The following SLC9A4 variants were observed in gnomAD, a reference collection of about 807,000 sequenced individuals.
SLC9A4 encodes the protein sodium/hydrogen exchanger 4.
Under a neutral mutation model 67.4 loss-of-function variants are expected in SLC9A4, and 63 were observed. That is an observed-to-expected ratio of 0.93 (90% CI 0.76 to 1.15). The LOEUF is 1.15. Ranked by LOEUF, SLC9A4 falls within the 50% of genes most tolerant of loss-of-function variation. The probability of loss-of-function intolerance (pLI) is 0.00; values close to 1 mark genes in which losing one functional copy is unlikely to be tolerated. For synonymous variants in SLC9A4, 393 were observed against 367.2 expected, an observed-to-expected ratio of 1.07 and a Z score of -0.80; for missense variants, 1,089 against 987.7, an observed-to-expected ratio of 1.10 and a Z score of -1.38.
At chr2:102,516,853 T>C (rs1314013819) in intron 8 of SLC9A4, among the ~76,000 whole-genome samples, 1 of 152,144 alleles carries the variant, frequency 6.6e-6, no homozygotes, top group Non-Finnish European at 1.5e-5. Context: ...CATTTTTTAA[T>C]TAAAGTGATA....
chr2:102,520,789 G>A (rs1200840986), intron 9 of SLC9A4, among the ~76,000 whole-genome samples: 2 of 152,176 alleles, frequency 1.3e-5, no homozygotes, highest in African/African-American at 2.4e-5. Flanking sequence ...TTGGTTATCT[G>A]ACTTGTTCAA....
intron 11 of SLC9A4, among the ~76,000 whole-genome samples, chr2:102,532,008 G>A (rs1349924284): frequency 6.6e-6 from 1 of 152,228 alleles, no homozygotes; most frequent in Non-Finnish European, 1.5e-5. Flanking sequence ...AAGCATCTTT[G>A]TGTCCCATGG....
intron 8 of SLC9A4, 101 bp from the exon 9 acceptor site, chr2:102,519,758 T>C (rs988687323): frequency 1.2e-4 from 114 of 983,096 alleles, no homozygotes; most frequent in Non-Finnish European, 1.3e-4. Flanking sequence ...TTCTGGAACT[T>C]AGGATTCCCC....
intron 8 of SLC9A4, among the ~76,000 whole-genome samples, chr2:102,515,259 A>G (rs752778389): frequency 6.6e-6 from 1 of 151,752 alleles, no homozygotes; most frequent in African/African-American, 2.4e-5. Context: ...ATTTGTCTCT[A>G]TTGCCTGAGT....
chr2:102,497,413 T>C (rs1227402714), intron 2 of SLC9A4, among the ~76,000 whole-genome samples: 2 of 151,544 alleles, frequency 1.3e-5, no homozygotes, highest in African/African-American at 2.4e-5. Context: ...AACTGGGGAG[T>C]TGGGAGTGGA....
intron 7 of SLC9A4, among the ~76,000 whole-genome samples, chr2:102,512,557 A>T (rs904506787): frequency 4.6e-5 from 7 of 152,172 alleles, no homozygotes; most frequent in Admixed American, 4.6e-4. Context: ...AACAAGGACA[A>T]GGTTCCCAAT....
intron 2 of SLC9A4, among the ~76,000 whole-genome samples, chr2:102,497,846 AT>A (rs1684843250): frequency 6.6e-6 from 1 of 152,206 alleles, no homozygotes. Flanking sequence ...AAGAAAAAAA[AT>A]GTCAGCACAT....
At chr2:102,512,982 AG>A (rs11330523) in intron 7 of SLC9A4, among the ~76,000 whole-genome samples, 123,462 of 152,016 alleles carry the variant, frequency 0.81, 50,892 homozygotes, top group African/African-American at 0.95. Context: ...GAGGGCGCAG[AG>A]GGGAGGACCC....
rs760766075 is a variant in SLC9A4 at position 102,503,554 on chromosome 2, G to A, written c.827G>A (p.Gly276Glu). 1 of 1,614,186 alleles carries A rather than the reference G, an allele frequency of 6.2e-7. No individual in the cohort carries two copies. The highest frequency in any genetic ancestry group is 8.5e-7 in the Non-Finnish European group (1 of 1,180,036). Residue 276 changes from glycine (G) to glutamate (E), a missense_variant, in exon 3 of 12, where the codon GGA becomes GAA. Coordinates refer to ENST00000295269, the MANE Select transcript of SLC9A4 (RefSeq NM_001011552.4). ...GCARFIVVGL[G>E]GVLFGIVFGF... ...GCCCGATTCATCGTTGTGGGGCTTG[G>A]AGGGGTATTGTTTGGCATCGTTTTT... is the stretch of plus-strand genomic sequence containing the variant.
At chr2:102,531,379 T>C (rs1215903361) in intron 11 of SLC9A4, among the ~76,000 whole-genome samples, 1 of 152,176 alleles carries the variant, frequency 6.6e-6, no homozygotes, top group East Asian at 1.9e-4. Flanking sequence ...GACAAGACAA[T>C]GTCCCAGGCA....
rs1685093272 is a variant in SLC9A4, at chr2:102,508,420, G to A, written c.1401+139G>A. 5 of 799,192 alleles carry A rather than the reference G, an allele frequency of 6.3e-6. No individual in the cohort carries two copies. The Admixed American group carries it at 1.5e-4, about 23-fold the overall frequency. 49.5% of individuals were successfully genotyped at this position (799,192 alleles called of 1,614,324 possible). Reference sequence around the variant, plus strand: ...CAAACTAAATTTCCGGAGATTTCTAGATCATGTTTGTGACCATCCTTTAAC... The same window carrying A: ...CAAACTAAATTTCCGGAGATTTCTAAATCATGTTTGTGACCATCCTTTAAC... On this transcript the variant is annotated intron_variant, in intron 5 of 11. Transcript: ENST00000295269.
In SLC9A4 at chr2:102,473,598, A is replaced by G; in HGVS notation, c.-162A>G. ...AAACCAGATTAGAAAGTGTCTACAT[A>G]CAGAGCTCAATAACACACTCGGAAT... On this transcript the variant is annotated 5_prime_UTR_variant, in exon 1 of 12. It adds an upstream start codon to the 5' untranslated region. Transcript: ENST00000295269. The G allele has an allele frequency of 1.3e-6, 1 of 798,310 alleles. No homozygotes were observed. The allele number at this position is 798,310 out of a possible 1,614,324, so 49.5% of individuals were successfully genotyped here.
At position 102,473,703 on chromosome 2, in the gene SLC9A4, A is replaced by G. The variant is rs1326816679; in HGVS notation, c.-57A>G. The G allele has an allele frequency of 2.5e-6, 4 of 1,589,126 alleles. No individual in the cohort carries two copies. The highest frequency in any genetic ancestry group is 2.3e-5 in the South Asian group (2 of 88,376). ...CAGTCACTCTCTAGAAGCCTCCCCG[A>G]CTTCAGATGTGTGGCACACATCCAC... On this transcript the variant is annotated 5_prime_UTR_variant, in exon 1 of 12. Coordinates refer to ENST00000295269, the MANE Select transcript of SLC9A4 (RefSeq NM_001011552.4).
intron 6 of SLC9A4, among the ~76,000 whole-genome samples, chr2:102,509,233 C>T (rs1471877844): frequency 6.6e-6 from 1 of 152,348 alleles, no homozygotes; most frequent in Middle Eastern, 3.4e-3. Context: ...CTTCCAGAGG[C>T]TGCCTGTGTT....
At chr2:102,481,007 AT>A (rs1684450683) in intron 2 of SLC9A4, among the ~76,000 whole-genome samples, 1 of 152,128 alleles carries the variant, frequency 6.6e-6, no homozygotes, top group African/African-American at 2.4e-5. Context: ...TGTTGGAATA[AT>A]TTTGCAGGTT....
intron 4 of SLC9A4, among the ~76,000 whole-genome samples, chr2:102,507,603 T>G (rs1302152330): frequency 6.6e-6 from 1 of 152,076 alleles, no homozygotes; most frequent in Non-Finnish European, 1.5e-5. Flanking sequence ...GGGATTTGAT[T>G]GTAGAGACCA....
intron 8 of SLC9A4, among the ~76,000 whole-genome samples, chr2:102,518,953 C>T (rs1001784902): frequency 2.0e-5 from 3 of 152,098 alleles, no homozygotes; most frequent in Non-Finnish European, 4.4e-5. Context: ...ATTTTTAGTT[C>T]TCTCCTTTTT....
At chr2:102,479,442 C>G in intron 2 of SLC9A4, 140 bp downstream of exon 2, 1 of 887,152 alleles carries the variant, frequency 1.1e-6, no homozygotes, top group South Asian at 1.8e-5. Context: ...CGGTGTGGTC[C>G]GAGTTCTGGT....
At position 102,532,541 on chromosome 2, in the gene SLC9A4, G is replaced by A. The variant is rs1309933511; in HGVS notation, c.2250G>A (p.Leu750=). ...GGGTGGCCTTAAGACCCAAACCTCTGTTTCATGCAGTGGATGAGGAGGGTG... is the reference window on the plus strand; with the variant it reads ...GGGTGGCCTTAAGACCCAAACCTCTATTTCATGCAGTGGATGAGGAGGGTG... ...VRRVALRPKP[L]FHAVDEEGES... is the part of the protein sequence containing the mutation. The change falls in exon 12 of 12, where the codon CTG becomes CTA. Residue 750 remains leucine (L), a synonymous_variant. Coordinates refer to ENST00000295269, the MANE Select transcript of SLC9A4 (RefSeq NM_001011552.4). The A allele has an allele frequency of 6.2e-7, 1 of 1,614,106 alleles. No individual in the cohort carries two copies. Among genetic ancestry groups the A allele is most frequent in the South Asian group, 1.1e-5 (1 of 91,058 alleles).
Sources: gnomAD v4.1 joint callset for allele counts (sites outside exome capture counted in the v4.1 genomes callset) on GRCh38, gnomAD v4.1.1 for gene constraint, MANE v1.5 for transcripts, NCBI Gene and HGNC (gene_info 2026-07-23, HGNC 2026-07-21) for gene names.